Variants in COMMD7 observed in about 807,000 individuals in gnomAD.
COMMD7 encodes COMM domain containing 7, also known as COMM domain-containing protein 7.
A neutral mutation model predicts 34.8 loss-of-function variants in COMMD7; 28 were observed. The observed-to-expected ratio is 0.80, with a 90% CI of 0.60 to 1.10. The LOEUF (loss-of-function observed/expected upper bound fraction) is 1.10, where lower values mean the gene tolerates loss of function less well. Ranked by LOEUF, COMMD7 falls within the 50% of genes least tolerant of loss-of-function variation. COMMD7 has a pLI of 0.00. For missense variants in COMMD7, 211 were observed against 241.6 expected, an observed-to-expected ratio of 0.87 and a Z score of 0.84; for synonymous variants, 80 against 86.4, an observed-to-expected ratio of 0.93 and a Z score of 0.41.
intron 3 of COMMD7, among the ~76,000 whole-genome samples, chr20:32,715,213 G>A (rs1240580107): frequency 6.6e-6 from 1 of 150,742 alleles, no homozygotes; most frequent in Non-Finnish European, 1.5e-5. Flanking sequence ...GCCAGGCTAG[G>A]TGGCTCATGC....
At chr20:32,743,257 G>T in intron 1 of COMMD7, 51 bp downstream of exon 1, 3 of 802,124 alleles carry the variant, frequency 3.7e-6, no homozygotes, top group Non-Finnish European at 5.7e-6. Context: ...CCCAGGCCCG[G>T]ATCCTGGAAT....
chr20:32,741,395 G>T (rs1245889011), intron 1 of COMMD7, among the ~76,000 whole-genome samples: 4 of 143,322 alleles, frequency 2.8e-5, no homozygotes, highest in South Asian at 2.2e-4. Flanking sequence ...CTAGAAAGTT[G>T]TTTTTTTTTT....
At chr20:32,739,011 C>G (rs1986287414) in intron 1 of COMMD7, among the ~76,000 whole-genome samples, 1 of 152,186 alleles carries the variant, frequency 6.6e-6, no homozygotes, top group East Asian at 1.9e-4. Context: ...TCTTTCTTAA[C>G]TGTAAAATGG....
chr20:32,705,298 G>C (rs1983996553), intron 5 of COMMD7, among the ~76,000 whole-genome samples: 1 of 147,068 alleles, frequency 6.8e-6, no homozygotes, highest in South Asian at 2.1e-4. Flanking sequence ...ATTGGAGAAA[G>C]GAGGCATATA....
chr20:32,716,357 T>C (rs1014224765), intron 3 of COMMD7, among the ~76,000 whole-genome samples: 1 of 152,188 alleles, frequency 6.6e-6, no homozygotes, highest in Non-Finnish European at 1.5e-5. Flanking sequence ...GGCTCACACC[T>C]GTAATCCCAG....
At chr20:32,732,880 G>C (rs1243380291) in intron 1 of COMMD7, among the ~76,000 whole-genome samples, 1 of 151,890 alleles carries the variant, frequency 6.6e-6, no homozygotes, top group Non-Finnish European at 1.5e-5. Flanking sequence ...AGCTTGCAGT[G>C]AGCCGAGATC....
At chr20:32,728,569 C>CT (rs1328055034) in intron 1 of COMMD7, among the ~76,000 whole-genome samples, 3 of 151,148 alleles carry the variant, frequency 2.0e-5, no homozygotes, top group East Asian at 1.9e-4. Flanking sequence ...TCTTTCTTTT[C>CT]TTTTTTTTTC....
chr20:32,706,277 G>A (rs1283187183), intron 5 of COMMD7, among the ~76,000 whole-genome samples: 3 of 151,724 alleles, frequency 2.0e-5, no homozygotes, highest in Non-Finnish European at 4.4e-5. Flanking sequence ...ACTTTGGGAG[G>A]CCAAGGTGGG....
intron 7 of COMMD7, 127 bp downstream of exon 7, chr20:32,704,313 C>T: frequency 2.2e-6 from 2 of 914,544 alleles, no homozygotes; most frequent in Non-Finnish European, 3.3e-6. Context: ...TAGCTGGCCA[C>T]ACTGCTCTGA....
At chr20:32,708,743 A>C (rs1169182285) in intron 3 of COMMD7, among the ~76,000 whole-genome samples, 2 of 68,178 alleles carry the variant, frequency 2.9e-5, no homozygotes, top group South Asian at 5.9e-4. Context: ...CTCACCTCCT[A>C]CCACACCGGG....
chr20:32,714,494 C>T (rs1300907900), intron 3 of COMMD7, among the ~76,000 whole-genome samples: 2 of 151,240 alleles, frequency 1.3e-5, no homozygotes, highest in Admixed American at 1.3e-4. Context: ...TCGAGACCAG[C>T]CTGGCCAATA....
intron 1 of COMMD7, among the ~76,000 whole-genome samples, chr20:32,733,092 T>A (rs1450504013): frequency 1.4e-5 from 2 of 146,552 alleles, no homozygotes; most frequent in East Asian, 4.2e-4. Flanking sequence ...AAAAATTAGC[T>A]GGGCATGGTG....
intron 1 of COMMD7, among the ~76,000 whole-genome samples, chr20:32,734,180 CAA>C (rs1208862092): frequency 1.5e-4 from 12 of 79,854 alleles, no homozygotes; most frequent in South Asian, 4.0e-4. Flanking sequence ...GACTCCGTCA[CAA>C]AAAAAAAAAA....
chr20:32,741,596 G>A (rs112512992), intron 1 of COMMD7, among the ~76,000 whole-genome samples: 2,777 of 152,066 alleles, frequency 0.018, 39 homozygotes, highest in Non-Finnish European at 0.026. Context: ...TCATCATGTT[G>A]GCCAGGATGG....
chr20:32,716,292 A>G (rs1016292896), intron 3 of COMMD7, among the ~76,000 whole-genome samples: 1 of 152,132 alleles, frequency 6.6e-6, no homozygotes, highest in African/African-American at 2.4e-5. Flanking sequence ...GGTATTCAGG[A>G]ATAAAGTATG....
intron 3 of COMMD7, among the ~76,000 whole-genome samples, chr20:32,715,148 A>G (rs1568778977): frequency 6.6e-6 from 1 of 152,008 alleles, no homozygotes; most frequent in Non-Finnish European, 1.5e-5. Context: ...AGCCTGGGCA[A>G]CACAGCCAGA....
chr20:32,704,019 TCA>T lies in COMMD7; in HGVS notation c.526+2_526+3del. On this transcript the variant is annotated splice_donor_variant and splice_donor_region_variant and intron_variant, in intron 8 of 8. Coordinates refer to ENST00000278980, the MANE Select transcript of COMMD7 (RefSeq NM_053041.3). LOFTEE classifies it high-confidence loss of function. ...AAGAGGCTCAAGTGGGAATTCAGAC[TCA>T]CCTATATACACATTTTCGGTTTGAT... 1 of 1,614,064 alleles carries T rather than the reference TCA, an allele frequency of 6.2e-7. No individual in the cohort carries two copies. The highest frequency in any genetic ancestry group is 8.5e-7 in the Non-Finnish European group (1 of 1,179,998).
intron 3 of COMMD7, among the ~76,000 whole-genome samples, chr20:32,716,861 T>A (rs1371969251): frequency 1.3e-5 from 1 of 74,548 alleles, no homozygotes; most frequent in African/African-American, 4.3e-5. Flanking sequence ...GTTAGTAACT[T>A]TTTTTTTTTT....
At chr20:32,731,654 C>T (rs1985848838) in intron 1 of COMMD7, among the ~76,000 whole-genome samples, 1 of 152,218 alleles carries the variant, frequency 6.6e-6, no homozygotes, top group Non-Finnish European at 1.5e-5. Context: ...ATAAGGAACA[C>T]AAACATGTCT....
Sources: allele counts gnomAD v4.1 joint callset (sites outside exome capture counted in the v4.1 genomes callset), GRCh38; gene constraint gnomAD v4.1.1; transcripts MANE v1.5; gene names NCBI Gene and HGNC (gene_info 2026-07-23, HGNC 2026-07-21).